Variants in MIS18BP1 observed in about 807,000 individuals in gnomAD.
The protein encoded by MIS18BP1 is mis18-binding protein 1.
A neutral mutation model predicts 116.1 loss-of-function variants in MIS18BP1; 72 were observed. That is an observed-to-expected ratio of 0.62 (90% CI 0.51 to 0.75). The LOEUF is 0.75. MIS18BP1 is among the 30% of genes least tolerant of loss of function. The pLI, the probability that MIS18BP1 is intolerant of heterozygous loss-of-function variation, is 0.00. For missense variants in MIS18BP1, 1,363 were observed against 1,303.2 expected (o/e 1.05, Z -0.71); for synonymous variants, 386 against 427.0 (o/e 0.90, Z 1.18).
At chr14:45,204,851 T>C (rs1328828556) in intron 15 of MIS18BP1, among the ~76,000 whole-genome samples, 1 of 152,086 alleles carries the variant, frequency 6.6e-6, no homozygotes, top group Non-Finnish European at 1.5e-5. Context: ...TACAATACTA[T>C]ACTGTACTAT....
chr14:45,210,473 T>C lies in MIS18BP1; in HGVS notation c.3059A>G (p.Lys1020Arg). The change falls in exon 14 of 17, where the codon AAA (lysine) becomes AGA (arginine). Residue 1020 changes from lysine to arginine, a missense_variant. Coordinates refer to ENST00000310806, the MANE Select transcript of MIS18BP1 (RefSeq NM_018353.5). ...DDDDILPNMDKNPTTPSSVIF... is the reference protein window; with the variant it reads ...DDDDILPNMDRNPTTPSSVIF... Reference sequence around the variant, plus strand: ...AACTGATGATGGAGTTGTTGGATTTTTGTCCATATTTGGCAGAATATCATC... The same window carrying C: ...AACTGATGATGGAGTTGTTGGATTTCTGTCCATATTTGGCAGAATATCATC... 6.2e-7 allele frequency: 1 copy of C among 1,614,096 alleles called. No homozygotes were observed. Among genetic ancestry groups the C allele is most frequent in the Non-Finnish European group, 8.5e-7 (1 of 1,179,962 alleles).
rs202169400 is a variant in MIS18BP1, at chr14:45,217,759, AT to A, written c.2842+522del. On this transcript the variant is annotated intron_variant, in intron 12 of 16. Coordinates refer to ENST00000310806, the MANE Select transcript of MIS18BP1 (RefSeq NM_018353.5). ...CCAAAAAGATCTTTACACTGCAAGA[AT>A]GACTGCCTCTACATTGCCTCTTGCT... 6.5e-3 allele frequency among the ~76,000 whole-genome samples: 993 copies of A among 152,280 alleles called. 7 individuals are homozygous for A. The highest frequency in any genetic ancestry group is 0.034 in the Middle Eastern group (10 of 294).
chr14:45,231,535 T>C (rs1288271326), intron 7 of MIS18BP1: 3 of 354,300 alleles, frequency 8.5e-6, no homozygotes, highest in Non-Finnish European at 1.5e-5. Flanking sequence ...CTTCCTACTA[T>C]ATGCTCTTAT....
rs1211449150 is a variant in MIS18BP1, at chr14:45,247,134, G to A, written c.153C>T (p.Ser51=). The change falls in exon 2 of 17, where the codon TCC becomes TCT. Residue 51 remains serine, a synonymous_variant. Transcript: ENST00000310806. The stretch of plus-strand genomic sequence containing the variant: ...TTTTATGGTCATTCAATTTTAAGGA[G>A]GAGTTCTGATATTTCACCAAATCTT... ...PVKDLVKYQN[S]SLKLNDHKKN... The A allele has an allele frequency of 1.2e-6, 2 of 1,612,718 alleles. No individual in the cohort carries two copies. The highest frequency in any genetic ancestry group is 1.7e-5 in the Admixed American group (1 of 59,954).
In MIS18BP1 at chr14:45,204,395, T is replaced by C. The variant is rs1890453584; in HGVS notation, c.3295+4A>G. On this transcript the variant is annotated splice_donor_region_variant and intron_variant, in intron 16 of 16. Coordinates refer to ENST00000310806, the MANE Select transcript of MIS18BP1 (RefSeq NM_018353.5). ...GCCACAAAAGAAAGCTGTAAGTGTA[T>C]TACCTGTGTTAAATGGGGTTTTCCT... 1.2e-6 allele frequency: 2 copies of C among 1,604,902 alleles called. No homozygotes were observed. The highest frequency in any genetic ancestry group is 1.7e-6 in the Non-Finnish European group (2 of 1,176,414).
At chr14:45,220,238 C>T (rs1246599233) in intron 11 of MIS18BP1, among the ~76,000 whole-genome samples, 5 of 152,172 alleles carry the variant, frequency 3.3e-5, no homozygotes, top group African/African-American at 7.2e-5. Flanking sequence ...GTTGGCACTA[C>T]AGGCACATAC....
chr14:45,233,005 G>C (rs550978622), intron 6 of MIS18BP1, among the ~76,000 whole-genome samples, 185 bp from the exon 7 acceptor site: 15 of 152,240 alleles, frequency 9.9e-5, no homozygotes, highest in African/African-American at 3.4e-4. Flanking sequence ...ATGGAACTTG[G>C]CTTCTAATGT....
intron 13 of MIS18BP1, 65 bp downstream of exon 13, chr14:45,216,954 T>C: frequency 6.6e-7 from 1 of 1,522,502 alleles, no homozygotes; most frequent in South Asian, 1.2e-5. Context: ...AACACTACCA[T>C]ACATAAAAAT....
intron 14 of MIS18BP1, among the ~76,000 whole-genome samples, chr14:45,208,330 GTTTTT>G (rs1166566812): frequency 8.3e-6 from 1 of 120,940 alleles, no homozygotes; most frequent in Non-Finnish European, 1.7e-5. Flanking sequence ...GGATGAAGTT[GTTTTT>G]TTTTTTTTTT....
chr14:45,214,535 C>A (rs182005382), intron 13 of MIS18BP1, among the ~76,000 whole-genome samples: 1 of 152,090 alleles, frequency 6.6e-6, no homozygotes, highest in Non-Finnish European at 1.5e-5. Flanking sequence ...GGGCGCCGCC[C>A]GGGGCCTCAG....
At chr14:45,209,334 C>T (rs1239895618) in intron 14 of MIS18BP1, among the ~76,000 whole-genome samples, 1 of 148,266 alleles carries the variant, frequency 6.7e-6, no homozygotes, top group Non-Finnish European at 1.5e-5. Context: ...TCATTAATTT[C>T]TTTTTTTTTT....
rs1319035934 is a variant in MIS18BP1, at chr14:45,217,008, A to G, written c.3003+11T>C. The stretch of plus-strand genomic sequence containing the variant: ...TACAGATAAGGAAAACAATGATTTC[A>G]TGCCTCTTACCAGTATTCTTTGATG... On this transcript the variant is annotated intron_variant, in intron 13 of 16. Coordinates refer to ENST00000310806, the MANE Select transcript of MIS18BP1 (RefSeq NM_018353.5). 5.0e-6 allele frequency: 8 copies of G among 1,610,988 alleles called. No individual in the cohort carries two copies. The highest frequency in any genetic ancestry group is 6.8e-6 in the Non-Finnish European group (8 of 1,178,436).
intron 2 of MIS18BP1, among the ~76,000 whole-genome samples, chr14:45,245,207 G>A (rs1268119959): frequency 6.6e-6 from 1 of 152,014 alleles, no homozygotes; most frequent in Non-Finnish European, 1.5e-5. Context: ...TTGCTAAAAC[G>A]AGCAGTAGAA....
Position 45,217,112 on chromosome 14 carries a change from C to G in MIS18BP1, c.2910G>C (p.Arg970Ser). ...KITAKVGTLK[R>S]KQQMREFLEQ... Reference sequence around the variant, plus strand: ...CCAGAAATTCCCTCATCTGTTGCTTCCTTTTAAGAGTTCCCACTTTGGCAG... The same window carrying G: ...CCAGAAATTCCCTCATCTGTTGCTTGCTTTTAAGAGTTCCCACTTTGGCAG... The change falls in exon 13 of 17, where the codon AGG becomes AGC. Residue 970 changes from arginine to serine, a missense_variant. Transcript: ENST00000310806. The G allele has an allele frequency of 6.2e-7, 1 of 1,614,092 alleles. No individual in the cohort carries two copies. The highest frequency in any genetic ancestry group is 1.3e-5 in the African/African-American group (1 of 75,050).
rs139950206 is a variant in MIS18BP1, at chr14:45,217,065, T to C, written c.2957A>G (p.His986Arg). The change falls in exon 13 of 17, where the codon CAT (histidine) becomes CGT (arginine). Residue 986 changes from histidine (H) to arginine (R), a missense_variant. Physicochemically the swap from His to Arg is conservative, Grantham distance 29. Coordinates refer to ENST00000310806, the MANE Select transcript of MIS18BP1 (RefSeq NM_018353.5). Reference protein sequence around the residue: ...EFLEQLPKDDHDDFFSTTPLQ... With the variant: ...EFLEQLPKDDRDDFFSTTPLQ... ...AGGTGTTGTACTGAAAAAATCATCA[T>C]GGTCATCTTTTGGCAACTGTTCCAG... The C allele has an allele frequency of 6.0e-5, 97 of 1,614,016 alleles. No individual in the cohort carries two copies. Among genetic ancestry groups the C allele is most frequent in the Non-Finnish European group, 8.2e-5 (97 of 1,180,000 alleles).
At chr14:45,238,621 G>C (rs1379009819) in intron 4 of MIS18BP1, among the ~76,000 whole-genome samples, 1 of 152,118 alleles carries the variant, frequency 6.6e-6, no homozygotes, top group Non-Finnish European at 1.5e-5. Context: ...TTTGAGCCTA[G>C]GAGTTCAAGA....
At chr14:45,223,719 G>T (rs1008314613) in intron 11 of MIS18BP1, among the ~76,000 whole-genome samples, 199 bp downstream of exon 11, 1 of 152,106 alleles carries the variant, frequency 6.6e-6, no homozygotes, top group Non-Finnish European at 1.5e-5. Context: ...GGCTTTCCTC[G>T]TACTTTCCTC....
intron 4 of MIS18BP1, 71 bp downstream of exon 4, chr14:45,241,963 C>T (rs1891587247): frequency 2.1e-6 from 3 of 1,460,662 alleles, no homozygotes; most frequent in East Asian, 2.3e-5. Context: ...AATGAGAGAA[C>T]ATTAAAAGCT....
At chr14:45,214,907 A>T (rs891630536) in intron 13 of MIS18BP1, among the ~76,000 whole-genome samples, 2 of 152,094 alleles carry the variant, frequency 1.3e-5, no homozygotes, top group Non-Finnish European at 2.9e-5. Context: ...GCCCACCACC[A>T]TGCCAGCTAA....
Sources: allele counts gnomAD v4.1 joint callset (sites outside exome capture counted in the v4.1 genomes callset), GRCh38; gene constraint gnomAD v4.1.1; transcripts MANE v1.5; gene names NCBI Gene and HGNC (gene_info 2026-07-23, HGNC 2026-07-21).